DERL3: variants seen among roughly 807,000 people sequenced by gnomAD.
The protein encoded by DERL3 is derlin 3, also known as derlin-3.
Under a neutral mutation model 23.8 loss-of-function variants are expected in DERL3, and 20 were observed. The observed-to-expected ratio is 0.84, with a 90% CI of 0.59 to 1.22. DERL3 has a LOEUF of 1.22. DERL3 is among the 50% of genes most tolerant of loss of function. The pLI, the probability that DERL3 is intolerant of heterozygous loss-of-function variation, is 0.00. For synonymous variants in DERL3, 145 were observed against 132.5 expected (o/e 1.09, Z -0.65); for missense variants, 319 against 304.1 (o/e 1.05, Z -0.36).
In DERL3 at chr22:23,838,703, G is replaced by T; in HGVS notation, c.159+8C>A. 1 of 1,549,454 alleles carries T rather than the reference G, an allele frequency of 6.5e-7. No individual in the cohort carries two copies. Among genetic ancestry groups the T allele is most frequent in the Non-Finnish European group, 8.7e-7 (1 of 1,146,286 alleles). ...GGCCCACAGGTGCGCGGCGCGGGGC[G>T]GCCTCACCTGGAACTTCCGGAACAC... On this transcript the variant is annotated splice_region_variant and intron_variant, in intron 2 of 6. Coordinates refer to ENST00000318109, the MANE Select transcript of DERL3 (RefSeq NM_001002862.3).
At position 23,837,170 on chromosome 22, in the gene DERL3, G is replaced by A. The variant is rs144605010; in HGVS notation, c.524-16C>T. 3.1e-4 allele frequency: 496 copies of A among 1,613,232 alleles called. 2 individuals are homozygous for A. The African/African-American group carries it at 5.4e-3, about 18-fold the overall frequency. The stretch of plus-strand genomic sequence containing the variant: ...ACCGCAATCCCTGTGAGACAGCCAC[G>A]GACTGTGGGGTCACCCTCCACAGCC... On this transcript the variant is annotated splice_polypyrimidine_tract_variant and intron_variant, in intron 5 of 6. Transcript: ENST00000318109.
chr22:23,835,074 G>C lies in DERL3; in HGVS notation c.*1795C>G, dbSNP rs567070018. The C allele has an allele frequency of 5.7e-6, 8 of 1,398,266 alleles. No homozygotes were observed. In the East Asian group the frequency reaches 1.1e-4, roughly 19 times the overall value. 86.6% of individuals were successfully genotyped at this position (1,398,266 alleles called of 1,614,324 possible). A position where few individuals can be genotyped will look rare whatever the true frequency, so the allele number is the denominator to read the frequency against. On this transcript the variant is annotated 3_prime_UTR_variant, in exon 7 of 7. Transcript: ENST00000318109. Reference sequence around the variant, plus strand: ...CCAGCAGGTGCTGTGGCCTGGGCCAGCTCCTGCCTTACAAGCCAGCTGTGA... The same window carrying C: ...CCAGCAGGTGCTGTGGCCTGGGCCACCTCCTGCCTTACAAGCCAGCTGTGA...
Position 23,836,658 on chromosome 22 carries a change from A to G in DERL3, c.*211T>C, listed in dbSNP as rs2031071378. 1 of 1,261,904 alleles carries G rather than the reference A, an allele frequency of 7.9e-7. No homozygotes were observed. Among genetic ancestry groups the G allele is most frequent in the Non-Finnish European group, 9.9e-7 (1 of 1,008,726 alleles). 78.2% of individuals were successfully genotyped at this position (1,261,904 alleles called of 1,614,324 possible). A position where few individuals can be genotyped will look rare whatever the true frequency, so the allele number is the denominator to read the frequency against. On this transcript the variant is annotated 3_prime_UTR_variant, in exon 7 of 7. Coordinates refer to ENST00000318109, the MANE Select transcript of DERL3 (RefSeq NM_001002862.3). ...ACCTGCAGTTGGGCTGAGAGGCCACACTGAGTGAGGACGGGGCAGGCATAG... is the reference window on the plus strand; with the variant it reads ...ACCTGCAGTTGGGCTGAGAGGCCACGCTGAGTGAGGACGGGGCAGGCATAG...
chr22:23,836,235 C>T lies in DERL3; in HGVS notation c.*634G>A. ...AAAGGGCAGAAGACCTAGTCCTGGCCCTCTTCTGCACCTGAATCCATGGGG... is the reference window on the plus strand; with the variant it reads ...AAAGGGCAGAAGACCTAGTCCTGGCTCTCTTCTGCACCTGAATCCATGGGG... On this transcript the variant is annotated 3_prime_UTR_variant, in exon 7 of 7. Transcript: ENST00000318109. 1.0e-6 allele frequency: 1 copy of T among 985,480 alleles called. No individual in the cohort carries two copies. Among genetic ancestry groups the T allele is most frequent in the Non-Finnish European group, 1.2e-6 (1 of 829,940 alleles). 61.0% of individuals were successfully genotyped at this position (985,480 alleles called of 1,614,324 possible). A position where few individuals can be genotyped will look rare whatever the true frequency, so the allele number is the denominator to read the frequency against.
intron 4 of DERL3, 36 bp downstream of exon 4, chr22:23,838,316 C>T (rs1329792705): frequency 6.4e-7 from 1 of 1,569,798 alleles, no homozygotes; most frequent in East Asian, 2.4e-5. Flanking sequence ...GCCGAGGCGC[C>T]CTAGCCCGAG....
rs368607784 is a variant in DERL3 at position 23,838,437 on chromosome 22, T to C, written c.242A>G (p.Tyr81Cys). 3.5e-5 allele frequency: 56 copies of C among 1,604,128 alleles called. No individual in the cohort carries two copies. The highest frequency in any genetic ancestry group is 4.6e-5 in the Non-Finnish European group (54 of 1,175,310). ...FFFNMLFVFR[Y>C]CRMLEEGSFR... is the part of the protein sequence containing the mutation. ...GGAGCCCTCTTCCAGCATGCGGCAG[T>C]AGCGGAACCTACGGCGTCGGTATAG... Residue 81 changes from tyrosine (Y) to cysteine (C), a missense_variant, in exon 4 of 7, where the codon TAC (tyrosine) becomes TGC (cysteine). Coordinates refer to ENST00000318109, the MANE Select transcript of DERL3 (RefSeq NM_001002862.3).
intron 2 of DERL3, 32 bp downstream of exon 2, chr22:23,838,679 G>C (rs1161998898): frequency 8.6e-6 from 4 of 464,524 alleles, no homozygotes; most frequent in Non-Finnish European, 1.8e-5. Flanking sequence ...GGTGGGTCGG[G>C]CCCACAGGTG....
rs1366442442 is a variant in DERL3, at chr22:23,836,086, GGGGTCGGA to G, written c.*775_*782del. The stretch of plus-strand genomic sequence containing the variant: ...GGTCAGAAGAGAAAAATGAGCCACA[GGGGTCGGA>G]TAAGGCTCACACACGTCCTCAGCTA... On this transcript the variant is annotated 3_prime_UTR_variant, in exon 7 of 7. Transcript: ENST00000318109. 4 of 985,270 alleles carry G rather than the reference GGGGTCGGA, an allele frequency of 4.1e-6. No homozygotes were observed. 61.0% of individuals were successfully genotyped at this position (985,270 alleles called of 1,614,324 possible).
Position 23,836,634 on chromosome 22 carries a change from C to T in DERL3, c.*235G>A, listed in dbSNP as rs1302005849. 8.1e-7 allele frequency: 1 copy of T among 1,239,882 alleles called. No homozygotes were observed. The highest frequency in any genetic ancestry group is 1.0e-6 in the Non-Finnish European group (1 of 995,182). The allele number at this position is 1,239,882 out of a possible 1,614,324, so 76.8% of individuals were successfully genotyped here. On this transcript the variant is annotated 3_prime_UTR_variant, in exon 7 of 7. Coordinates refer to ENST00000318109, the MANE Select transcript of DERL3 (RefSeq NM_001002862.3). Reference sequence around the variant, plus strand: ...CTCTGTGGGCACCCCTATCCTACCACCTGCAGTTGGGCTGAGAGGCCACAC... The same window carrying T: ...CTCTGTGGGCACCCCTATCCTACCATCTGCAGTTGGGCTGAGAGGCCACAC...
At position 23,835,269 on chromosome 22, in the gene DERL3, A is replaced by G. The variant is rs557579045; in HGVS notation, c.*1600T>C. On this transcript the variant is annotated 3_prime_UTR_variant, in exon 7 of 7. Coordinates refer to ENST00000318109, the MANE Select transcript of DERL3 (RefSeq NM_001002862.3). Reference sequence around the variant, plus strand: ...CCCCATTCTTCAGAATGGACACAGGATCTGGGAGGGCAGCAAACTGGCTCG... The same window carrying G: ...CCCCATTCTTCAGAATGGACACAGGGTCTGGGAGGGCAGCAAACTGGCTCG... 3.0e-4 allele frequency: 330 copies of G among 1,095,750 alleles called. 1 individual carries two copies. In the African/African-American group the frequency reaches 5.1e-3, roughly 17 times the overall value. The allele number at this position is 1,095,750 out of a possible 1,614,324, so 67.9% of individuals were successfully genotyped here.
At chr22:23,838,810 G>A in intron 1 of DERL3, 34 bp from the exon 2 acceptor site, 1 of 1,551,130 alleles carries the variant, frequency 6.4e-7, no homozygotes, top group Non-Finnish European at 8.7e-7. Flanking sequence ...GAGCTGCCCG[G>A]GAGCCACGCC....
chr22:23,838,835 C>A (rs2031332257), intron 1 of DERL3, 59 bp from the exon 2 acceptor site: 2 of 1,550,678 alleles, frequency 1.3e-6, no homozygotes, highest in Admixed American at 2.0e-5. Flanking sequence ...CCATGGCGAC[C>A]CTCACCCCTC....
rs2031114780 is a variant in DERL3 at position 23,837,071 on chromosome 22, C to T, written c.607G>A (p.Gly203Ser). 1.2e-6 allele frequency: 2 copies of T among 1,613,766 alleles called. No individual in the cohort carries two copies. Among genetic ancestry groups the T allele is most frequent in the East Asian group, 4.5e-5 (2 of 44,872 alleles). ...AGGGCTCTCAACACTCACAGGAAGC[C>T]AGGGGTCTGCAGGAGCCTCTTGCCT... The part of the protein sequence containing the change: ...PGGKRLLQTP[G>S]FLKLLLDAPA... Residue 203 changes from glycine (G) to serine (S), a missense_variant, in exon 6 of 7, where the codon GGC becomes AGC. Gly to Ser is a moderately conservative substitution (Grantham distance 56). Coordinates refer to ENST00000318109, the MANE Select transcript of DERL3 (RefSeq NM_001002862.3).
rs1275650868 is a variant in DERL3, at chr22:23,838,884, C to T, written c.93+11G>A. On this transcript the variant is annotated intron_variant, in intron 1 of 6. Transcript: ENST00000318109. Reference sequence around the variant, plus strand: ...TAACCAAGGCGACGTCCGGTCCGCCCGGCCGCTTACCACCGCGGCGGTGGT... The same window carrying T: ...TAACCAAGGCGACGTCCGGTCCGCCTGGCCGCTTACCACCGCGGCGGTGGT... The T allele has an allele frequency of 8.4e-6, 13 of 1,556,086 alleles. No individual in the cohort carries two copies. The highest frequency in any genetic ancestry group is 1.1e-5 in the Non-Finnish European group (13 of 1,149,744).
At position 23,835,248 on chromosome 22, in the gene DERL3, A is replaced by C; in HGVS notation, c.*1621T>G. ...TCATCTGTAATAGGGAGGTGTCCCC[A>C]TTCTTCAGAATGGACACAGGATCTG... is the stretch of plus-strand genomic sequence containing the variant. On this transcript the variant is annotated 3_prime_UTR_variant, in exon 7 of 7. Transcript: ENST00000318109. 4 of 1,137,000 alleles carry C rather than the reference A, an allele frequency of 3.5e-6. No homozygotes were observed. Among genetic ancestry groups the C allele is most frequent in the Non-Finnish European group, 3.2e-6 (3 of 927,322 alleles). 70.4% of individuals were successfully genotyped at this position (1,137,000 alleles called of 1,614,324 possible). A position where few individuals can be genotyped will look rare whatever the true frequency, so the allele number is the denominator to read the frequency against.
At position 23,835,702 on chromosome 22, in the gene DERL3, T is replaced by C. The variant is rs933305419; in HGVS notation, c.*1167A>G. 2.6e-5 allele frequency: 26 copies of C among 985,392 alleles called. No individual in the cohort carries two copies. The highest frequency in any genetic ancestry group is 1.4e-4 in the South Asian group (3 of 21,296). The allele number at this position is 985,392 out of a possible 1,614,324, so 61.0% of individuals were successfully genotyped here. A position where few individuals can be genotyped will look rare whatever the true frequency, so the allele number is the denominator to read the frequency against. ...TGCTCTTAGACATGAACAGGTTTCATTGCTGAGGTGTTTGTTCTGTCCATG... is the reference window on the plus strand; with the variant it reads ...TGCTCTTAGACATGAACAGGTTTCACTGCTGAGGTGTTTGTTCTGTCCATG... On this transcript the variant is annotated 3_prime_UTR_variant, in exon 7 of 7. Transcript: ENST00000318109.
intron 6 of DERL3, 44 bp from the exon 7 acceptor site, chr22:23,837,006 C>A: frequency 6.2e-7 from 1 of 1,611,888 alleles, no homozygotes; most frequent in South Asian, 1.1e-5. Context: ...GCACAGGTCC[C>A]CATCGGTGGG....
At position 23,835,126 on chromosome 22, in the gene DERL3, T is replaced by C; in HGVS notation, c.*1743A>G. On this transcript the variant is annotated 3_prime_UTR_variant, in exon 7 of 7. Coordinates refer to ENST00000318109, the MANE Select transcript of DERL3 (RefSeq NM_001002862.3). ...GAATATGGGAATAGCCCTCCCGGCC[T>C]GGTGCCAGCTCTTGGAGTTGACACG... is the stretch of plus-strand genomic sequence containing the variant. 1 of 1,369,140 alleles carries C rather than the reference T, an allele frequency of 7.3e-7. No individual in the cohort carries two copies. 84.8% of individuals were successfully genotyped at this position (1,369,140 alleles called of 1,614,324 possible).
rs1448880229 is a variant in DERL3 at position 23,838,937 on chromosome 22, C to T, written c.51G>A (p.Thr17=). Residue 17 remains threonine (T), a synonymous_variant, in exon 1 of 7, where the codon ACG becomes ACA. Transcript: ENST00000318109. ...GGACACAGGCTGCGGTGTAAGCCCG[C>T]GTCACCGCCGGCACCTGCAGGAACT... ...AAEFLQVPAV[T]RAYTAACVLT... 7.0e-6 allele frequency: 11 copies of T among 1,580,780 alleles called. No homozygotes were observed.
Sources: gnomAD v4.1 joint callset for allele counts on GRCh38, gnomAD v4.1.1 for gene constraint, MANE v1.5 for transcripts, NCBI Gene and HGNC (gene_info 2026-07-23, HGNC 2026-07-21) for gene names.